The following PGBD5 variants were observed in gnomAD, a reference collection of about 807,000 sequenced individuals.
The protein encoded by PGBD5 is piggyBac transposable element derived 5, also known as piggyBac transposable element-derived protein 5.
Under a neutral mutation model 47.9 loss-of-function variants are expected in PGBD5, and 14 were observed. That is an observed-to-expected ratio of 0.29 (90% confidence interval 0.19 to 0.46). The LOEUF is 0.46. PGBD5 is among the 20% of genes least tolerant of loss of function. The probability of loss-of-function intolerance (pLI) is 1.00; values close to 1 mark genes in which losing one functional copy is unlikely to be tolerated. For missense variants in PGBD5, 635 were observed against 716.0 expected (o/e 0.89, Z 1.29); for synonymous variants, 316 against 306.3 (o/e 1.03, Z -0.33).
intron 1 of PGBD5, among the ~76,000 whole-genome samples, chr1:230,416,084 C>T (rs1055591545): frequency 4.6e-5 from 7 of 152,206 alleles, no homozygotes; most frequent in African/African-American, 1.2e-4. Flanking sequence ...AAGCAGCTGG[C>T]TTCCCTGTAA....
At chr1:230,347,300 C>A (rs1168862726) in intron 3 of PGBD5, among the ~76,000 whole-genome samples, 1 of 151,952 alleles carries the variant, frequency 6.6e-6, no homozygotes, top group Non-Finnish European at 1.5e-5. Flanking sequence ...GAGGAAGAGG[C>A]AGAGGTATTT....
At chr1:230,333,167 G>T (rs375441345) in intron 4 of PGBD5, 126 bp from the exon 5 acceptor site, 2 of 975,546 alleles carry the variant, frequency 2.1e-6, no homozygotes, top group African/African-American at 3.3e-5. Context: ...TTGGGAGTCA[G>T]ACCCTCTAGA....
intron 4 of PGBD5, among the ~76,000 whole-genome samples, chr1:230,335,738 T>TACAGACAC (rs1558192682): frequency 2.4e-3 from 1 of 416 alleles, no homozygotes; most frequent in Non-Finnish European, 5.7e-3. Context: ...CACACAGACT[T>TACAGACAC]ACACAAAGAC....
At position 230,420,645 on chromosome 1, in the gene PGBD5, T is replaced by C. The variant is rs545460980; in HGVS notation, c.331+4953A>G. 9.1e-4 allele frequency among the ~76,000 whole-genome samples: 138 copies of C among 152,278 alleles called. 1 individual carries two copies. Among genetic ancestry groups the C allele is most frequent in the African/African-American group, 3.3e-3 (136 of 41,552 alleles). On this transcript the variant is annotated intron_variant, in intron 1 of 6. Transcript: ENST00000391860. ...AATTCTCTCTCTTTGCCTGCAGCCA[T>C]CCATGTAAGATGTGACTTGCTCCTT...
chr1:230,381,440 A>G (rs1399836428), intron 1 of PGBD5, among the ~76,000 whole-genome samples: 1 of 152,214 alleles, frequency 6.6e-6, no homozygotes, highest in East Asian at 1.9e-4. Context: ...CAGTCTCAGC[A>G]TCTTGGCCAG....
chr1:230,337,868 C>T lies in PGBD5; in HGVS notation c.895-580G>A, dbSNP rs80026194. 1.5e-3 allele frequency among the ~76,000 whole-genome samples: 221 copies of T among 152,244 alleles called. 6 individuals are homozygous for T. In the East Asian group the frequency reaches 0.037, roughly 25 times the overall value. ...GGGGACTCAGTCAGCAATTTTTAAA[C>T]GTCGTTTCATGCTGCTTCCATGAAC... On this transcript the variant is annotated intron_variant, in intron 3 of 6. Transcript: ENST00000391860.
chr1:230,341,750 C>T (rs1236776866), intron 3 of PGBD5, among the ~76,000 whole-genome samples: 5 of 152,156 alleles, frequency 3.3e-5, no homozygotes, highest in South Asian at 2.1e-4. Flanking sequence ...AGGTGACTTC[C>T]TATCACTGGG....
intron 1 of PGBD5, among the ~76,000 whole-genome samples, chr1:230,362,111 G>A (rs1437501027): frequency 6.6e-6 from 1 of 152,258 alleles, no homozygotes; most frequent in Non-Finnish European, 1.5e-5. Flanking sequence ...TTGCCCAAGG[G>A]CGCGGGAAGC....
rs148441460 is a variant in PGBD5 at position 230,389,419 on chromosome 1, C to T, written c.332-32098G>A. On this transcript the variant is annotated intron_variant, in intron 1 of 6. Transcript: ENST00000391860. The stretch of plus-strand genomic sequence containing the variant: ...GACTCCTGACCTCAGGTGATCCACC[C>T]GCCTCAGCCTCCCAAAGTGCTGGGA... Among the ~76,000 whole-genome samples the T allele has an allele frequency of 2.6e-5, 4 of 152,072 alleles. No homozygotes were observed. The East Asian group carries it at 5.8e-4, about 22-fold the overall frequency.
At chr1:230,351,236 T>C in intron 2 of PGBD5, 144 bp from the exon 3 acceptor site, 1 of 873,872 alleles carries the variant, frequency 1.1e-6, no homozygotes, top group Non-Finnish European at 1.6e-6. Flanking sequence ...TCCTGACCCT[T>C]CTTATCTATA....
chr1:230,397,864 A>G (rs1291876190), intron 1 of PGBD5, among the ~76,000 whole-genome samples: 2 of 152,224 alleles, frequency 1.3e-5, no homozygotes, highest in Non-Finnish European at 2.9e-5. Flanking sequence ...ATCCAGCTCT[A>G]TGTGAGAGCA....
At position 230,318,909 on chromosome 1, in the gene PGBD5, C is replaced by CA. The variant is rs1328877904; in HGVS notation, c.*4515dup. On this transcript the variant is annotated 3_prime_UTR_variant, in exon 7 of 7. Coordinates refer to ENST00000391860, the MANE Select transcript of PGBD5 (RefSeq NM_001258311.2). ...CTTCAGTAGTTGTTAAGCTCCAAAA[C>CA]ACCCATCTCCATCTAGGACAAGAAA... The CA allele has an allele frequency of 6.6e-6, 1 of 152,368 alleles. No homozygotes were observed. Among genetic ancestry groups the CA allele is most frequent in the Non-Finnish European group, 1.5e-5 (1 of 68,156 alleles). 9.4% of individuals were successfully genotyped at this position (152,368 alleles called of 1,614,324 possible).
rs1666908494 is a variant in PGBD5 at position 230,314,532 on chromosome 1, A to C, written c.*8893T>G. ...ATTTCAAAGGCAGTGACTGTAAACA[A>C]ACTTGGTTGAAGAAATAAGAACCAC... On this transcript the variant is annotated 3_prime_UTR_variant, in exon 7 of 7. Coordinates refer to ENST00000391860, the MANE Select transcript of PGBD5 (RefSeq NM_001258311.2). 6.6e-6 allele frequency: 1 copy of C among 151,952 alleles called. No homozygotes were observed. Among genetic ancestry groups the C allele is most frequent in the African/African-American group, 2.4e-5 (1 of 41,380 alleles). 9.4% of individuals were successfully genotyped at this position (151,952 alleles called of 1,614,324 possible). A position where few individuals can be genotyped will look rare whatever the true frequency, so the allele number is the denominator to read the frequency against.
Position 230,365,312 on chromosome 1 carries a change from CA to C in PGBD5, c.332-7992del, listed in dbSNP as rs34846205. ...TGGGCGACAGAAAGAGACTCCATCTCAAAAAAAAAAAAAAAGCTAATCAATT... is the reference window on the plus strand; with the variant it reads ...TGGGCGACAGAAAGAGACTCCATCTCAAAAAAAAAAAAAAGCTAATCAATT... On this transcript the variant is annotated intron_variant, in intron 1 of 6. Transcript: ENST00000391860. Among the ~76,000 whole-genome samples the C allele has an allele frequency of 2.4e-3, 278 of 115,672 alleles. 1 individual carries two copies. The highest frequency in any genetic ancestry group is 5.2e-3 in the Middle Eastern group (1 of 192). 75.9% of individuals were successfully genotyped at this position (115,672 alleles called of 152,430 possible). A position where few individuals can be genotyped will look rare whatever the true frequency, so the allele number is the denominator to read the frequency against.
intron 1 of PGBD5, among the ~76,000 whole-genome samples, chr1:230,415,703 C>T (rs1332812717): frequency 6.6e-6 from 1 of 152,144 alleles, no homozygotes; most frequent in African/African-American, 2.4e-5. Flanking sequence ...GGCAGCAGTC[C>T]CATCTCACTC....
chr1:230,375,709 G>A (rs1002077849), intron 1 of PGBD5, among the ~76,000 whole-genome samples: 4 of 144,562 alleles, frequency 2.8e-5, no homozygotes, highest in Non-Finnish European at 4.5e-5. Context: ...AAGGAAAGAG[G>A]AAAATATCCA....
At chr1:230,360,577 T>C (rs1227942581) in intron 1 of PGBD5, among the ~76,000 whole-genome samples, 1 of 152,212 alleles carries the variant, frequency 6.6e-6, no homozygotes, top group East Asian at 1.9e-4. Context: ...CTGACAGTTT[T>C]ATAATTGTCT....
Position 230,357,700 on chromosome 1 carries a change from TGTGGCACAGG to T in PGBD5, c.332-389_332-380del, listed in dbSNP as rs1406996705. ...TGGAATCCCTGCTCTCCAGAACCCG[TGTGGCACAGG>T]GTGTCGGTCTAGGGAGTTTCACACA... On this transcript the variant is annotated intron_variant, in intron 1 of 6. Transcript: ENST00000391860. The surrounding 1 kb of genome is among the most constrained non-coding windows in gnomAD (Gnocchi z 5.7). Among the ~76,000 whole-genome samples the T allele has an allele frequency of 6.6e-6, 1 of 152,116 alleles. No homozygotes were observed. The highest frequency in any genetic ancestry group is 2.4e-5 in the African/African-American group (1 of 41,402).
At chr1:230,368,014 ACAC>A in intron 1 of PGBD5, 5 of 1,367,390 alleles carry the variant, frequency 3.7e-6, no homozygotes, top group African/African-American at 1.5e-5. Flanking sequence ...TCCCCACGCC[ACAC>A]CACACCCCAC....
Sources: allele counts gnomAD v4.1 joint callset (sites outside exome capture counted in the v4.1 genomes callset), GRCh38; gene constraint gnomAD v4.1.1; non-coding constraint Gnocchi (gnomAD v3.1); transcripts MANE v1.5; gene names NCBI Gene and HGNC (gene_info 2026-07-23, HGNC 2026-07-21).